The following TMEM132D variants were observed in gnomAD, a reference collection of about 807,000 sequenced individuals.
TMEM132D encodes the protein transmembrane protein 132D.
In TMEM132D, 21 loss-of-function variants were observed where a neutral mutation model predicts 62.3. The ratio of observed to expected loss-of-function variants is 0.34; its 90% CI spans 0.24 to 0.49. The LOEUF (loss-of-function observed/expected upper bound fraction) is 0.49. TMEM132D is among the 20% of genes least tolerant of loss of function. TMEM132D has a pLI of 0.99. For synonymous variants in TMEM132D, 621 were observed against 575.6 expected (o/e 1.08, Z -1.13); for missense variants, 1,346 against 1,402.8 (o/e 0.96, Z 0.65).
chr12:129,899,777 C>G (rs1200509729), intron 1 of TMEM132D, among the ~76,000 whole-genome samples: 1 of 152,116 alleles, frequency 6.6e-6, no homozygotes, highest in African/African-American at 2.4e-5. Flanking sequence ...TTTGATTTAA[C>G]TCTTTAATTC....
intron 4 of TMEM132D, among the ~76,000 whole-genome samples, chr12:129,303,740 G>A (rs183202154): frequency 1.3e-5 from 2 of 151,926 alleles, no homozygotes; most frequent in Non-Finnish European, 2.9e-5. Flanking sequence ...AGGCTGAGAA[G>A]TCCCATGATC....
intron 1 of TMEM132D, among the ~76,000 whole-genome samples, chr12:129,799,004 G>A (rs1337522206): frequency 3.9e-5 from 6 of 152,224 alleles, no homozygotes; most frequent in East Asian, 1.9e-4. Flanking sequence ...AGTGGCTCAC[G>A]CCTGTAATCC....
intron 3 of TMEM132D, among the ~76,000 whole-genome samples, chr12:129,441,086 T>C (rs10847875): frequency 0.13 from 19,942 of 152,134 alleles, 1,870 homozygotes; most frequent in East Asian, 0.5. Context: ...ATAGAGGGAA[T>C]TTAATCCAGG....
chr12:129,100,399 G>A (rs1489436987), intron 5 of TMEM132D, among the ~76,000 whole-genome samples: 1 of 152,198 alleles, frequency 6.6e-6, no homozygotes, highest in Non-Finnish European at 1.5e-5. Flanking sequence ...AGAAGACTTG[G>A]AGAGCGTCTG....
intron 1 of TMEM132D, among the ~76,000 whole-genome samples, chr12:129,712,682 A>T (rs1300122364): frequency 6.6e-6 from 1 of 152,188 alleles, no homozygotes; most frequent in Non-Finnish European, 1.5e-5. Context: ...GAAGAGCCAC[A>T]TATGACCAGT....
At chr12:129,865,134 T>C (rs1360489778) in intron 1 of TMEM132D, among the ~76,000 whole-genome samples, 1 of 152,206 alleles carries the variant, frequency 6.6e-6, no homozygotes, top group Non-Finnish European at 1.5e-5. Flanking sequence ...AGTGATGCAC[T>C]GGAAACCCCT....
At chr12:129,663,824 A>G (rs1016525045) in intron 2 of TMEM132D, among the ~76,000 whole-genome samples, 4 of 152,236 alleles carry the variant, frequency 2.6e-5, no homozygotes, top group Non-Finnish European at 4.4e-5. Flanking sequence ...GCTGCTTTGC[A>G]TTATGAGAGA....
chr12:129,715,969 C>T lies in TMEM132D; in HGVS notation c.80-15271G>A, dbSNP rs79249911. ...ACGCATTGCCACGCAGAGAGGGTCA[C>T]GAGGCTAGCGACTGCAGGAGGCTGT... On this transcript the variant is annotated intron_variant, in intron 1 of 8. Transcript: ENST00000422113. Among the ~76,000 whole-genome samples, 928 of 152,194 alleles carry T rather than the reference C, an allele frequency of 6.1e-3. 9 individuals carry two copies. Among genetic ancestry groups the T allele is most frequent in the East Asian group, 0.02 (105 of 5,142 alleles).
intron 2 of TMEM132D, among the ~76,000 whole-genome samples, chr12:129,678,269 T>C (rs1447776746): frequency 2.0e-5 from 3 of 152,124 alleles, no homozygotes; most frequent in Non-Finnish European, 4.4e-5. Flanking sequence ...CTACCAGCAA[T>C]AATATTATGG....
At chr12:129,776,425 T>C (rs915049300) in intron 1 of TMEM132D, among the ~76,000 whole-genome samples, 1 of 148,260 alleles carries the variant, frequency 6.7e-6, no homozygotes, top group Non-Finnish European at 1.5e-5. Flanking sequence ...AATGATGCTT[T>C]ATTTTATTTG....
intron 3 of TMEM132D, among the ~76,000 whole-genome samples, chr12:129,484,203 C>T (rs996907765): frequency 3.3e-5 from 5 of 152,076 alleles, no homozygotes; most frequent in Non-Finnish European, 5.9e-5. Context: ...CTCCTGAGCT[C>T]AGATGATCTG....
At chr12:129,437,788 G>A (rs1347911045) in intron 3 of TMEM132D, among the ~76,000 whole-genome samples, 1 of 150,330 alleles carries the variant, frequency 6.7e-6, no homozygotes, top group East Asian at 2.0e-4. Context: ...TGTGCAGAAC[G>A]TGCAGGTTTG....
intron 2 of TMEM132D, among the ~76,000 whole-genome samples, chr12:129,571,586 A>G (rs752752528): frequency 1.4e-4 from 22 of 152,074 alleles, no homozygotes; most frequent in Non-Finnish European, 2.8e-4. Context: ...AAAAATAATA[A>G]TAATAAAAAA....
intron 4 of TMEM132D, among the ~76,000 whole-genome samples, chr12:129,276,826 A>G (rs143559960): frequency 5.9e-5 from 9 of 152,376 alleles, no homozygotes; most frequent in African/African-American, 2.2e-4. Flanking sequence ...AGAATTAATG[A>G]CAAGGCCAAA....
At position 129,869,428 on chromosome 12, in the gene TMEM132D, T is replaced by A. The variant is rs538503616; in HGVS notation, c.79+33833A>T. 2.6e-5 allele frequency among the ~76,000 whole-genome samples: 4 copies of A among 152,366 alleles called. No homozygotes were observed. In the East Asian group the frequency reaches 7.7e-4, roughly 29 times the overall value. On this transcript the variant is annotated intron_variant, in intron 1 of 8. Coordinates refer to ENST00000422113, the MANE Select transcript of TMEM132D (RefSeq NM_133448.3). ...AGTATTTGCATATAACCTATGCACA[T>A]CTTCCTGAATACTTTAAATCATCTC...
intron 3 of TMEM132D, among the ~76,000 whole-genome samples, chr12:129,358,960 T>A (rs1870162288): frequency 6.6e-6 from 1 of 151,694 alleles, no homozygotes; most frequent in Non-Finnish European, 1.5e-5. Context: ...TTCAAGCTTT[T>A]TTTTTTTTTA....
intron 1 of TMEM132D, among the ~76,000 whole-genome samples, chr12:129,896,103 G>C (rs1013307981): frequency 2.0e-4 from 31 of 151,648 alleles, no homozygotes; most frequent in Non-Finnish European, 2.5e-4. Context: ...CAGAGTAGCT[G>C]GGACAACAGG....
intron 3 of TMEM132D, among the ~76,000 whole-genome samples, chr12:129,525,033 C>A (rs1242049906): frequency 7.0e-6 from 1 of 143,324 alleles, no homozygotes; most frequent in African/African-American, 2.6e-5. Flanking sequence ...TCAAGCGACT[C>A]CCCTGCTTCA....
At chr12:129,398,491 T>G (rs545978971) in intron 3 of TMEM132D, among the ~76,000 whole-genome samples, 206 of 152,278 alleles carry the variant, frequency 1.4e-3, no homozygotes, top group Non-Finnish European at 2.4e-3. Flanking sequence ...TATATCTCCT[T>G]GGGCAGTACC....
Sources: gnomAD v4.1 joint callset for allele counts (sites outside exome capture counted in the v4.1 genomes callset) on GRCh38, gnomAD v4.1.1 for gene constraint, MANE v1.5 for transcripts, NCBI Gene and HGNC (gene_info 2026-07-23, HGNC 2026-07-21) for gene names.